PEX5L: variants seen among roughly 807,000 people sequenced by gnomAD.
PEX5L encodes the protein PEX5-related protein.
A neutral mutation model predicts 84.0 loss-of-function variants in PEX5L; 30 were observed. The observed-to-expected ratio is 0.36, with a 90% CI of 0.27 to 0.48. PEX5L has a LOEUF of 0.48. PEX5L is among the 20% of genes least tolerant of loss of function. The probability of loss-of-function intolerance (pLI) is 0.99; values close to 1 mark genes in which losing one functional copy is unlikely to be tolerated. For synonymous variants in PEX5L, 270 were observed against 283.1 expected, an observed-to-expected ratio of 0.95 and a Z score of 0.46; for missense variants, 533 against 754.6, an observed-to-expected ratio of 0.71 and a Z score of 3.44.
At chr3:180,000,334 T>C (rs560789435) in intron 1 of PEX5L, among the ~76,000 whole-genome samples, 3 of 152,016 alleles carry the variant, frequency 2.0e-5, no homozygotes, top group Admixed American at 2.0e-4. Flanking sequence ...ACAATGGAGG[T>C]AAGGAAGAGT....
intron 2 of PEX5L, among the ~76,000 whole-genome samples, chr3:179,905,917 A>G (rs539171623): frequency 6.3e-4 from 96 of 152,340 alleles, no homozygotes; most frequent in African/African-American, 1.2e-3. Flanking sequence ...CTCAATAAAT[A>G]TATGTACTGG....
chr3:179,900,372 T>C (rs1201921281), intron 2 of PEX5L, among the ~76,000 whole-genome samples: 1 of 152,206 alleles, frequency 6.6e-6, no homozygotes, highest in Non-Finnish European at 1.5e-5. Context: ...TTAGATTCTT[T>C]TCTTGGGCTA....
intron 1 of PEX5L, among the ~76,000 whole-genome samples, chr3:180,004,858 T>C (rs1366162393): frequency 6.6e-6 from 1 of 151,966 alleles, no homozygotes; most frequent in East Asian, 1.9e-4. Context: ...TATAAGAATT[T>C]GAATAAAAGA....
At chr3:179,848,223 C>T (rs191385148) in intron 8 of PEX5L, among the ~76,000 whole-genome samples, 1 of 151,990 alleles carries the variant, frequency 6.6e-6, no homozygotes, top group East Asian at 1.9e-4. Flanking sequence ...TTTGAGCATT[C>T]GACAGAAATA....
chr3:179,812,480 G>T (rs182197021), intron 10 of PEX5L, among the ~76,000 whole-genome samples: 3 of 151,900 alleles, frequency 2.0e-5, no homozygotes, highest in African/African-American at 7.3e-5. Flanking sequence ...CGTACCTTAA[G>T]CCCTTTTTCA....
intron 2 of PEX5L, among the ~76,000 whole-genome samples, chr3:179,907,165 A>G (rs1763509199): frequency 6.6e-6 from 1 of 151,990 alleles, no homozygotes. Flanking sequence ...GATTAGATGT[A>G]TTTCCCCAAT....
Position 179,796,848 on chromosome 3 carries a change from A to G in PEX5L, c.*4980T>C, listed in dbSNP as rs1297750075. The G allele has an allele frequency of 6.6e-6, 1 of 152,156 alleles. No individual in the cohort carries two copies. Among genetic ancestry groups the G allele is most frequent in the East Asian group, 1.9e-4 (1 of 5,190 alleles). The allele number at this position is 152,156 out of a possible 1,614,324, so 9.4% of individuals were successfully genotyped here. A position where few individuals can be genotyped will look rare whatever the true frequency, so the allele number is the denominator to read the frequency against. On this transcript the variant is annotated 3_prime_UTR_variant, in exon 15 of 15. Coordinates refer to ENST00000467460, the MANE Select transcript of PEX5L (RefSeq NM_016559.3). The stretch of plus-strand genomic sequence containing the variant: ...AAGTCCAGTTTCTCAAGGGACATTT[A>G]GCCCAAGCAGCTCAACTACCATACA...
chr3:179,865,587 A>G (rs1453636228), intron 7 of PEX5L, among the ~76,000 whole-genome samples: 1 of 152,050 alleles, frequency 6.6e-6, no homozygotes, highest in East Asian at 1.9e-4. Flanking sequence ...ATGCTTATAA[A>G]CTGGTTATAT....
At chr3:179,936,347 G>C (rs1774598166) in intron 2 of PEX5L, among the ~76,000 whole-genome samples, 1 of 152,326 alleles carries the variant, frequency 6.6e-6, no homozygotes, top group South Asian at 2.1e-4. Context: ...ACTTGAACAT[G>C]TGGAAGACAA....
intron 2 of PEX5L, among the ~76,000 whole-genome samples, chr3:179,906,040 G>A (rs1256348128): frequency 6.6e-6 from 1 of 152,176 alleles, no homozygotes; most frequent in African/African-American, 2.4e-5. Context: ...AAATAAAATA[G>A]TTTCAAGCAC....
chr3:179,959,114 A>G (rs1164709444), intron 2 of PEX5L, among the ~76,000 whole-genome samples: 1 of 152,118 alleles, frequency 6.6e-6, no homozygotes, highest in African/African-American at 2.4e-5. Context: ...CAGAGTCTGA[A>G]GCTCAGAGTA....
rs1171034649 is a variant in PEX5L at position 179,797,605 on chromosome 3, A to ATATAT, written c.*4222_*4223insATATA. 18 of 89,156 alleles carry ATATAT rather than the reference A, an allele frequency of 2.0e-4. No individual in the cohort carries two copies. Among genetic ancestry groups the ATATAT allele is most frequent in the South Asian group, 1.2e-3 (3 of 2,516 alleles). 5.5% of individuals were successfully genotyped at this position (89,156 alleles called of 1,614,324 possible). On this transcript the variant is annotated 3_prime_UTR_variant, in exon 15 of 15. Coordinates refer to ENST00000467460, the MANE Select transcript of PEX5L (RefSeq NM_016559.3). ...AACACTCTTTAAAAAAAAAAAAAAA[A>ATATAT]ATATATATATATATATATATATATA... is the stretch of plus-strand genomic sequence containing the variant.
At chr3:180,007,171 C>G (rs1348245381) in intron 1 of PEX5L, among the ~76,000 whole-genome samples, 1 of 152,124 alleles carries the variant, frequency 6.6e-6, no homozygotes, top group Non-Finnish European at 1.5e-5. Flanking sequence ...TACAGCTGTT[C>G]CAAATGGGAG....
intron 2 of PEX5L, among the ~76,000 whole-genome samples, chr3:179,919,796 G>A (rs1043207483): frequency 2.6e-5 from 4 of 152,132 alleles, no homozygotes; most frequent in African/African-American, 4.8e-5. Context: ...TCTGCCTCCC[G>A]GGTTCAAGCG....
At chr3:179,875,568 T>C (rs1256976153) in intron 5 of PEX5L, 91 bp from the exon 6 acceptor site, 7 of 884,700 alleles carry the variant, frequency 7.9e-6, no homozygotes, top group Non-Finnish European at 1.2e-5. Flanking sequence ...GTGGAGCGTG[T>C]GGTGCAGAGG....
intron 8 of PEX5L, among the ~76,000 whole-genome samples, chr3:179,836,610 T>A (rs866310239): frequency 2.0e-5 from 3 of 152,228 alleles, no homozygotes; most frequent in South Asian, 4.1e-4. Flanking sequence ...AAAGTCAACT[T>A]CTTCTGCACA....
At chr3:179,994,615 T>C (rs9855668) in intron 1 of PEX5L, among the ~76,000 whole-genome samples, 2,591 of 152,166 alleles carry the variant, frequency 0.017, 82 homozygotes, top group African/African-American at 0.059. Flanking sequence ...TGTACATAAA[T>C]GTGATGGTTA....
chr3:179,801,593 C>A lies in PEX5L; in HGVS notation c.*235G>T. On this transcript the variant is annotated 3_prime_UTR_variant, in exon 15 of 15. Transcript: ENST00000467460. ...ACACAGTTACTTTATCTTGGTTTGT[C>A]TTGAGTCTCTTAATTCTTCTTTTGA... 1 of 502,354 alleles carries A rather than the reference C, an allele frequency of 2.0e-6. No homozygotes were observed. Among genetic ancestry groups the A allele is most frequent in the Non-Finnish European group, 3.6e-6 (1 of 281,610 alleles). The allele number at this position is 502,354 out of a possible 1,614,324, so 31.1% of individuals were successfully genotyped here. A position where few individuals can be genotyped will look rare whatever the true frequency, so the allele number is the denominator to read the frequency against.
intron 8 of PEX5L, 152 bp downstream of exon 8, chr3:179,858,910 C>T (rs1189120811): frequency 4.9e-6 from 3 of 615,156 alleles, no homozygotes; most frequent in Non-Finnish European, 8.8e-6. Context: ...AGATTCTGTA[C>T]CAAATGATTG....
Sources: gnomAD v4.1 joint callset for allele counts (sites outside exome capture counted in the v4.1 genomes callset) on GRCh38, gnomAD v4.1.1 for gene constraint, MANE v1.5 for transcripts, NCBI Gene and HGNC (gene_info 2026-07-23, HGNC 2026-07-21) for gene names.